Variants in MARVELD3 observed in about 807,000 individuals in gnomAD.
The protein encoded by MARVELD3 is MARVEL domain-containing protein 3.
MARVELD3 carries 28 observed loss-of-function variants against 33.5 expected under a neutral mutation model. That is an observed-to-expected ratio of 0.84 (90% CI 0.62 to 1.15). The LOEUF (loss-of-function observed/expected upper bound fraction) is 1.15, where lower values mean the gene tolerates loss of function less well. MARVELD3 is among the 50% of genes most tolerant of loss of function. The pLI is 0.00. For missense variants in MARVELD3, 582 were observed against 547.6 expected (o/e 1.06, Z -0.63); for synonymous variants, 241 against 230.4 (o/e 1.05, Z -0.42).
At chr16:71,629,134 C>G in intron 1 of MARVELD3, 1 of 461,914 alleles carries the variant, frequency 2.2e-6, no homozygotes, top group Non-Finnish European at 3.7e-6. Context: ...GGCAGACAAA[C>G]CATCAGCGGT....
At chr16:71,631,097 C>T (rs1195049064) in intron 2 of MARVELD3, among the ~76,000 whole-genome samples, 1 of 152,170 alleles carries the variant, frequency 6.6e-6, no homozygotes, top group Non-Finnish European at 1.5e-5. Context: ...AATGTAATCT[C>T]AGGATAATTC....
chr16:71,639,594 G>A (rs568462018), downstream of MARVELD3, among the ~76,000 whole-genome samples: 40 of 151,548 alleles, frequency 2.6e-4, no homozygotes, highest in East Asian at 2.0e-4. Flanking sequence ...CTACAGGCAC[G>A]TGCTGCCACA....
In MARVELD3 at chr16:71,635,662, C is replaced by T. The variant is rs950130989; in HGVS notation, c.*859C>T. ...AGAGCCACATAGACATGAGACCACA[C>T]TTCAGCCTGAATTTTTCTAAAACAC... On this transcript the variant is annotated 3_prime_UTR_variant, in exon 3 of 3. Coordinates refer to ENST00000268485, the MANE Select transcript of MARVELD3 (RefSeq NM_052858.6). 4 of 985,108 alleles carry T rather than the reference C, an allele frequency of 4.1e-6. No homozygotes were observed. Among genetic ancestry groups the T allele is most frequent in the Non-Finnish European group, 3.6e-6 (3 of 829,928 alleles). 61.0% of individuals were successfully genotyped at this position (985,108 alleles called of 1,614,324 possible).
intron 2 of MARVELD3, among the ~76,000 whole-genome samples, chr16:71,630,685 T>G (rs1482035338): frequency 6.6e-6 from 1 of 151,424 alleles, no homozygotes; most frequent in Non-Finnish European, 1.5e-5. Flanking sequence ...ACATAATATA[T>G]TCACAAGGTT....
chr16:71,640,835 CTGGA>C, downstream of MARVELD3: 1 of 1,614,242 alleles, frequency 6.2e-7, no homozygotes. Context: ...AGGGTCTCAC[CTGGA>C]TGGACTGCCA....
chr16:71,636,585 T>G (rs2044582573), downstream of MARVELD3: 1 of 152,136 alleles, frequency 6.6e-6, no homozygotes, highest in Admixed American at 6.6e-5. Flanking sequence ...AAAGACTTTT[T>G]TTATTTTTTT....
chr16:71,638,632 A>G (rs1241867071), downstream of MARVELD3: 4 of 152,158 alleles, frequency 2.6e-5, no homozygotes, highest in Admixed American at 2.6e-4. Flanking sequence ...TTCGTTTTGA[A>G]ATATAGATTT....
At chr16:71,633,623 G>A (rs2044553025) in intron 2 of MARVELD3, among the ~76,000 whole-genome samples, 1 of 151,792 alleles carries the variant, frequency 6.6e-6, no homozygotes, top group Non-Finnish European at 1.5e-5. Flanking sequence ...TCAAACTCCT[G>A]ACCTCAAATG....
intron 1 of MARVELD3, among the ~76,000 whole-genome samples, chr16:71,628,663 G>A (rs2044498307): frequency 1.3e-5 from 2 of 152,078 alleles, no homozygotes; most frequent in South Asian, 4.1e-4. Flanking sequence ...GGGTAGTTCA[G>A]TATGGCTGGG....
At chr16:71,629,872 G>A (rs922332832) in intron 2 of MARVELD3, among the ~76,000 whole-genome samples, 2 of 152,096 alleles carry the variant, frequency 1.3e-5, no homozygotes, top group African/African-American at 4.8e-5. Context: ...AAAGTCACCT[G>A]GCGTGGGCAG....
chr16:71,635,939 C>T lies in MARVELD3; in HGVS notation c.*1136C>T. On this transcript the variant is annotated 3_prime_UTR_variant, in exon 3 of 3. Transcript: ENST00000268485. ...GTGTTTTGTACCTCTTGTAAATGTG[C>T]CATTGTGTGAAGCATTAAACCCAAC... The T allele has an allele frequency of 1.0e-6, 1 of 985,364 alleles. No individual in the cohort carries two copies. The highest frequency in any genetic ancestry group is 4.7e-5 in the South Asian group (1 of 21,278). 61.0% of individuals were successfully genotyped at this position (985,364 alleles called of 1,614,324 possible). A position where few individuals can be genotyped will look rare whatever the true frequency, so the allele number is the denominator to read the frequency against.
downstream of MARVELD3, chr16:71,640,280 A>AT: frequency 1.6e-6 from 2 of 1,265,662 alleles, no homozygotes; most frequent in South Asian, 1.5e-5. Context: ...AAAAAAAAAA[A>AT]GTTGACATTG....
intron 2 of MARVELD3, 76 bp from the exon 3 acceptor site, chr16:71,634,117 A>C: frequency 6.5e-7 from 1 of 1,540,796 alleles, no homozygotes; most frequent in Non-Finnish European, 8.7e-7. Context: ...CCCTGCGCGG[A>C]AGGTGGGCCT....
In MARVELD3 at chr16:71,630,781, T is replaced by C. The variant is rs144945260; in HGVS notation, c.595+1287T>C. On this transcript the variant is annotated intron_variant, in intron 2 of 2. Coordinates refer to ENST00000268485, the MANE Select transcript of MARVELD3 (RefSeq NM_052858.6). The stretch of plus-strand genomic sequence containing the variant: ...TTGTGAAACCATACTGACCCTATTA[T>C]ATACCAAATATTCTGATATTTTCTA... Among the ~76,000 whole-genome samples the C allele has an allele frequency of 2.0e-5, 3 of 152,294 alleles. No individual in the cohort carries two copies. The East Asian group carries it at 5.8e-4, about 29-fold the overall frequency.
chr16:71,631,480 G>A (rs2044532330), intron 2 of MARVELD3, among the ~76,000 whole-genome samples: 1 of 150,556 alleles, frequency 6.6e-6, no homozygotes, highest in Non-Finnish European at 1.5e-5. Flanking sequence ...GTCTTGCTCT[G>A]TAGCCCAGGC....
At position 71,634,958 on chromosome 16, in the gene MARVELD3, G is replaced by A. The variant is rs140298366; in HGVS notation, c.*155G>A. 10 of 1,423,978 alleles carry A rather than the reference G, an allele frequency of 7.0e-6. No homozygotes were observed. Among genetic ancestry groups the A allele is most frequent in the South Asian group, 4.6e-5 (3 of 64,658 alleles). 88.2% of individuals were successfully genotyped at this position (1,423,978 alleles called of 1,614,324 possible). On this transcript the variant is annotated 3_prime_UTR_variant, in exon 3 of 3. Transcript: ENST00000268485. ...GGCGGAGCTCCCAGTCGCATGGAGC[G>A]GTGTTCATGGATGCAACAGACCCTG...
chr16:71,626,339 G>A lies in MARVELD3; in HGVS notation c.110G>A (p.Arg37Gln), dbSNP rs370821754. Residue 37 changes from arginine (R) to glutamine (Q), a missense_variant, in exon 1 of 3, where the codon CGA becomes CAA. By Grantham distance (43) the Arg-to-Gln change is conservative. Transcript: ENST00000268485. This position sits in a 1 kb window ranked among gnomAD's most constrained non-coding sequence, Gnocchi z 5.3. ...QGRTHDRPRD[R>Q]PGDPRRKRSS... ...CGCACCCACGATCGACCGCGGGACC[G>A]ACCCGGGGACCCGCGCAGGAAGCGA... The A allele has an allele frequency of 2.7e-4, 414 of 1,548,066 alleles. No homozygotes were observed. The highest frequency in any genetic ancestry group is 3.3e-4 in the Admixed American group (17 of 50,976).
chr16:71,628,080 T>C (rs952643859), intron 1 of MARVELD3, among the ~76,000 whole-genome samples: 2 of 152,198 alleles, frequency 1.3e-5, no homozygotes, highest in Non-Finnish European at 2.9e-5. Context: ...CCTGAGTTTA[T>C]GTTACATTAT....
At chr16:71,634,119 G>C (rs532272041) in intron 2 of MARVELD3, 74 bp from the exon 3 acceptor site, 1 of 1,542,970 alleles carries the variant, frequency 6.5e-7, no homozygotes, top group African/African-American at 1.4e-5. Context: ...CTGCGCGGAA[G>C]GTGGGCCTCA....
Sources: allele counts gnomAD v4.1 joint callset (sites outside exome capture counted in the v4.1 genomes callset), GRCh38; gene constraint gnomAD v4.1.1; non-coding constraint Gnocchi (gnomAD v3.1); transcripts MANE v1.5; gene names NCBI Gene and HGNC (gene_info 2026-07-23, HGNC 2026-07-21).